IPO11: variants seen among roughly 807,000 people sequenced by gnomAD.
The protein encoded by IPO11 is importin 11, also known as importin-11.
IPO11 carries 66 observed loss-of-function variants against 143.2 expected under a neutral mutation model. The observed-to-expected ratio is 0.46, with a 90% CI of 0.38 to 0.57. The LOEUF is 0.57. IPO11 is among the 20% of genes least tolerant of loss of function. The probability of loss-of-function intolerance (pLI) is 0.00; values close to 1 mark genes in which losing one functional copy is unlikely to be tolerated. For synonymous variants in IPO11, 385 were observed against 377.8 expected (o/e 1.02, Z -0.22); for missense variants, 1,026 against 1,141.0 (o/e 0.90, Z 1.45).
At chr5:62,583,753 A>G (rs1236633401) in intron 27 of IPO11, among the ~76,000 whole-genome samples, 1 of 152,134 alleles carries the variant, frequency 6.6e-6, no homozygotes, top group African/African-American at 2.4e-5. Flanking sequence ...AGGCATAATA[A>G]TTTTCTTGGG....
chr5:62,475,147 T>C (rs907108103), intron 8 of IPO11, among the ~76,000 whole-genome samples: 1 of 151,986 alleles, frequency 6.6e-6, no homozygotes, highest in South Asian at 2.1e-4. Context: ...GCTAAAGCGA[T>C]CCGCCCACCT....
At chr5:62,599,848 C>T (rs781137355) in intron 28 of IPO11, among the ~76,000 whole-genome samples, 1 of 152,134 alleles carries the variant, frequency 6.6e-6, no homozygotes, top group Non-Finnish European at 1.5e-5. Flanking sequence ...TTATGTAAAG[C>T]GTGATTGTCT....
At chr5:62,451,954 A>G in intron 5 of IPO11, 21 bp downstream of exon 5, 1 of 1,592,098 alleles carries the variant, frequency 6.3e-7, no homozygotes, top group East Asian at 2.2e-5. Context: ...TCACATAGTT[A>G]AATTTGATTA....
chr5:62,616,749 G>T (rs1209630856), intron 29 of IPO11, among the ~76,000 whole-genome samples: 3 of 140,558 alleles, frequency 2.1e-5, no homozygotes, highest in Non-Finnish European at 3.0e-5. Flanking sequence ...AAAAAAATCA[G>T]TGAGAGAACA....
chr5:62,613,154 AT>A (rs1293736241), intron 29 of IPO11, among the ~76,000 whole-genome samples: 1 of 152,082 alleles, frequency 6.6e-6, no homozygotes, highest in South Asian at 2.1e-4. Flanking sequence ...TTTTTGTTTG[AT>A]GAATGGCTTG....
Position 62,483,143 on chromosome 5 carries a change from C to G in IPO11, c.871C>G (p.Leu291Val). The change falls in exon 10 of 30, where the codon CTA (leucine) becomes GTA (valine). Residue 291 changes from leucine (L) to valine (V), a missense_variant. Physicochemically the swap from Leu to Val is conservative, Grantham distance 32. Coordinates refer to ENST00000325324, the MANE Select transcript of IPO11 (RefSeq NM_016338.5). ...LDQHPFSFTPLIQRSLEFSVS... is the reference protein window; with the variant it reads ...LDQHPFSFTPVIQRSLEFSVS... Reference sequence around the variant, plus strand: ...TCAGCATCCTTTTTCATTTACTCCTCTAATTCAGAGATCACTGGAATTTTC... The same window carrying G: ...TCAGCATCCTTTTTCATTTACTCCTGTAATTCAGAGATCACTGGAATTTTC... 1 of 1,608,948 alleles carries G rather than the reference C, an allele frequency of 6.2e-7. No homozygotes were observed. The highest frequency in any genetic ancestry group is 8.5e-7 in the Non-Finnish European group (1 of 1,176,938).
At chr5:62,591,793 A>G in intron 28 of IPO11, 121 bp downstream of exon 28, 1 of 563,166 alleles carries the variant, frequency 1.8e-6, no homozygotes, top group Non-Finnish European at 3.0e-6. Flanking sequence ...TCTCTTTTAT[A>G]CAGAAACGTT....
chr5:62,476,636 G>C, intron 8 of IPO11, 47 bp from the exon 9 acceptor site: 2 of 1,471,214 alleles, frequency 1.4e-6, no homozygotes, highest in Non-Finnish European at 1.8e-6. Flanking sequence ...ATGTTGTCTT[G>C]GTTGTGAACT....
intron 7 of IPO11, among the ~76,000 whole-genome samples, chr5:62,473,951 T>C (rs1441890958): frequency 2.0e-5 from 3 of 152,174 alleles, no homozygotes; most frequent in Non-Finnish European, 4.4e-5. Context: ...GTTCATTTTT[T>C]GAATACTTAT....
chr5:62,513,289 G>C (rs985773897), intron 19 of IPO11, among the ~76,000 whole-genome samples: 2 of 90,650 alleles, frequency 2.2e-5, no homozygotes, highest in Admixed American at 1.2e-4. Flanking sequence ...CCTCCCGGAC[G>C]GGGCGGCTGG....
intron 20 of IPO11, among the ~76,000 whole-genome samples, chr5:62,524,150 G>A (rs1265963428): frequency 6.6e-6 from 1 of 152,074 alleles, no homozygotes; most frequent in Non-Finnish European, 1.5e-5. Flanking sequence ...GGCCCAAAGG[G>A]TGCTTACATT....
chr5:62,516,739 G>T (rs538495877), intron 20 of IPO11, among the ~76,000 whole-genome samples: 1 of 151,918 alleles, frequency 6.6e-6, no homozygotes, highest in East Asian at 1.9e-4. Flanking sequence ...AAAATTTACC[G>T]TTTTAACCAA....
chr5:62,571,897 G>T (rs1240455587), intron 27 of IPO11, among the ~76,000 whole-genome samples: 1 of 152,084 alleles, frequency 6.6e-6, no homozygotes. Context: ...TGTTGGCCAG[G>T]CTGGTCTTCA....
At chr5:62,422,891 G>A (rs963662835) in intron 1 of IPO11, among the ~76,000 whole-genome samples, 11 of 151,800 alleles carry the variant, frequency 7.2e-5, no homozygotes, top group Middle Eastern at 3.4e-3. Context: ...TTAGTTAATC[G>A]ATGTATCTCA....
intron 21 of IPO11, among the ~76,000 whole-genome samples, chr5:62,529,373 A>G (rs1017301496): frequency 2.7e-4 from 41 of 152,168 alleles, no homozygotes; most frequent in Non-Finnish European, 4.9e-4. Context: ...TTCTCTTAAG[A>G]AAAAACCTTT....
chr5:62,441,994 C>T (rs999317392), intron 2 of IPO11, among the ~76,000 whole-genome samples: 7 of 151,242 alleles, frequency 4.6e-5, no homozygotes, highest in Admixed American at 1.3e-4. Flanking sequence ...TACAGGCATG[C>T]GCCACCATGC....
At chr5:62,620,144 T>G (rs1746293049) in intron 29 of IPO11, among the ~76,000 whole-genome samples, 2 of 152,284 alleles carry the variant, frequency 1.3e-5, no homozygotes, top group South Asian at 4.1e-4. Flanking sequence ...CAGGAGGTCC[T>G]GAGAACATGT....
intron 24 of IPO11, among the ~76,000 whole-genome samples, chr5:62,544,913 G>A (rs968958572): frequency 7.9e-5 from 12 of 152,218 alleles, no homozygotes; most frequent in African/African-American, 2.9e-4. Context: ...GCTCTTCAGG[G>A]AGAACTACAA....
At chr5:62,580,434 G>C in intron 27 of IPO11, 2 of 1,551,290 alleles carry the variant, frequency 1.3e-6, no homozygotes, top group Non-Finnish European at 1.7e-6. Context: ...TCCTTAATCT[G>C]TCATTTAATA....
Sources: gnomAD v4.1 joint callset for allele counts (sites outside exome capture counted in the v4.1 genomes callset) on GRCh38, gnomAD v4.1.1 for gene constraint, MANE v1.5 for transcripts, NCBI Gene and HGNC (gene_info 2026-07-23, HGNC 2026-07-21) for gene names.